The following NTM variants were observed in gnomAD, a reference collection of about 807,000 sequenced individuals.
NTM encodes the protein IgLON family member 2.
A neutral mutation model predicts 42.1 loss-of-function variants in NTM; 13 were observed. The observed-to-expected ratio is 0.31, with a 90% confidence interval of 0.20 to 0.49. NTM has a LOEUF of 0.49. Ranked by LOEUF, NTM falls within the 20% of genes least tolerant of loss-of-function variation. The probability of loss-of-function intolerance (pLI) is 0.99; values close to 1 mark genes in which losing one functional copy is unlikely to be tolerated. For missense variants in NTM, 373 were observed against 452.8 expected (o/e 0.82, Z 1.60); for synonymous variants, 187 against 179.2 (o/e 1.04, Z -0.35).
intron 1 of NTM, among the ~76,000 whole-genome samples, chr11:131,462,065 C>T (rs149850846): frequency 7.9e-5 from 12 of 152,246 alleles, no homozygotes; most frequent in African/African-American, 2.9e-4. Flanking sequence ...AACTGAAGAA[C>T]ACCACACAGC....
intron 1 of NTM, among the ~76,000 whole-genome samples, chr11:131,850,517 G>A (rs116414401): frequency 1.3e-5 from 2 of 152,094 alleles, no homozygotes; most frequent in Admixed American, 6.5e-5. Context: ...ACTGGGGGTC[G>A]ATTTCCTTTC....
intron 2 of NTM, among the ~76,000 whole-genome samples, chr11:132,096,153 A>G (rs780761297): frequency 9.9e-5 from 15 of 151,774 alleles, no homozygotes; most frequent in African/African-American, 1.9e-4. Flanking sequence ...CTCTCCCCAT[A>G]CTTTTTAGTC....
intron 1 of NTM, among the ~76,000 whole-genome samples, chr11:131,679,420 A>G (rs999048587): frequency 2.6e-5 from 4 of 152,056 alleles, no homozygotes; most frequent in African/African-American, 9.7e-5. Flanking sequence ...TACGGCCTTT[A>G]GAAGGTACTG....
At chr11:132,111,708 G>T (rs1422851567) in intron 2 of NTM, among the ~76,000 whole-genome samples, 1 of 152,214 alleles carries the variant, frequency 6.6e-6, no homozygotes, top group Non-Finnish European at 1.5e-5. Flanking sequence ...GTCAGCTAAA[G>T]AAAAATAAGT....
At position 131,474,844 on chromosome 11, in the gene NTM, A is replaced by G. The variant is rs528843974; in HGVS notation, c.82+103956A>G. Among the ~76,000 whole-genome samples, 10 of 152,256 alleles carry G rather than the reference A, an allele frequency of 6.6e-5. No homozygotes were observed. The East Asian group carries it at 1.5e-3, about 24-fold the overall frequency. ...TATCCTCCATACTGCTCCCAAAGCA[A>G]TGTTTCCAAAATGTGGAGCGGGCCA... is the stretch of plus-strand genomic sequence containing the variant. On this transcript the variant is annotated intron_variant, in intron 1 of 8. Coordinates refer to ENST00000683400, the MANE Select transcript of NTM (RefSeq NM_001352005.2).
intron 2 of NTM, among the ~76,000 whole-genome samples, chr11:132,009,021 C>G (rs2071473283): frequency 6.6e-6 from 1 of 152,126 alleles, no homozygotes. Context: ...CAGGCAGACA[C>G]CAGATCAGCG....
At chr11:132,262,726 T>C (rs2092942269) in intron 4 of NTM, among the ~76,000 whole-genome samples, 2 of 152,140 alleles carry the variant, frequency 1.3e-5, no homozygotes, top group Admixed American at 1.3e-4. Context: ...AAACATCTAC[T>C]CCATAGCATT....
At chr11:131,992,362 C>A (rs1355108728) in intron 2 of NTM, among the ~76,000 whole-genome samples, 1 of 152,018 alleles carries the variant, frequency 6.6e-6, no homozygotes, top group Non-Finnish European at 1.5e-5. Context: ...TTCTGGTCAA[C>A]AATTGGCTGT....
At chr11:132,307,229 A>G (rs1254700655) in intron 4 of NTM, among the ~76,000 whole-genome samples, 11 of 152,060 alleles carry the variant, frequency 7.2e-5, no homozygotes, top group Non-Finnish European at 1.2e-4. Context: ...GTGTGTGTGT[A>G]TGTGTATGTA....
chr11:131,845,707 G>A (rs538297004), intron 1 of NTM, among the ~76,000 whole-genome samples: 3 of 150,308 alleles, frequency 2.0e-5, no homozygotes, highest in African/African-American at 4.9e-5. Context: ...ATACATTCCT[G>A]GATTTTTTTT....
At chr11:132,000,596 C>G (rs1037942558) in intron 2 of NTM, among the ~76,000 whole-genome samples, 5 of 152,158 alleles carry the variant, frequency 3.3e-5, no homozygotes, top group Non-Finnish European at 5.9e-5. Flanking sequence ...TTATCTCACT[C>G]TGTTCTGGAC....
intron 1 of NTM, among the ~76,000 whole-genome samples, chr11:131,484,873 A>G (rs1953991095): frequency 6.6e-6 from 1 of 152,240 alleles, no homozygotes; most frequent in Non-Finnish European, 1.5e-5. Context: ...AAATTATGAT[A>G]GTCAAACAGA....
intron 3 of NTM, among the ~76,000 whole-genome samples, chr11:132,204,389 G>T (rs962731373): frequency 2.6e-5 from 4 of 152,152 alleles, no homozygotes; most frequent in Non-Finnish European, 5.9e-5. Flanking sequence ...ACGATGCCAG[G>T]CATTATGATA....
chr11:132,249,029 T>A (rs1017841631), intron 4 of NTM, among the ~76,000 whole-genome samples: 3 of 152,216 alleles, frequency 2.0e-5, no homozygotes, highest in African/African-American at 7.2e-5. Context: ...TTTGGAGCAC[T>A]GGCTGGAACA....
At chr11:131,880,161 A>G (rs2049244840) in intron 1 of NTM, among the ~76,000 whole-genome samples, 1 of 152,190 alleles carries the variant, frequency 6.6e-6, no homozygotes. Flanking sequence ...CCCAGCAGAT[A>G]AGTCATAAAA....
chr11:132,025,709 G>A (rs1192974700), intron 2 of NTM, among the ~76,000 whole-genome samples: 1 of 152,156 alleles, frequency 6.6e-6, no homozygotes, highest in African/African-American at 2.4e-5. Context: ...ATTGGCCGGG[G>A]GTGTGGCCTG....
At chr11:131,512,362 C>T (rs926797566) in intron 1 of NTM, among the ~76,000 whole-genome samples, 5 of 152,214 alleles carry the variant, frequency 3.3e-5, no homozygotes, top group Non-Finnish European at 4.4e-5. Flanking sequence ...CAGTAGACCA[C>T]GTCTGCTCCC....
At chr11:131,436,650 T>G (rs563548486) in intron 1 of NTM, among the ~76,000 whole-genome samples, 13 of 152,328 alleles carry the variant, frequency 8.5e-5, no homozygotes, top group African/African-American at 3.1e-4. Flanking sequence ...CATTTTTTAT[T>G]GCATCTATTT....
At chr11:131,606,527 G>A (rs2060971889) in intron 1 of NTM, among the ~76,000 whole-genome samples, 1 of 152,216 alleles carries the variant, frequency 6.6e-6, no homozygotes. Flanking sequence ...CCAGTGACTG[G>A]ACAGCGATGA....
Sources: allele counts gnomAD v4.1 joint callset (sites outside exome capture counted in the v4.1 genomes callset), GRCh38; gene constraint gnomAD v4.1.1; transcripts MANE v1.5; gene names NCBI Gene and HGNC (gene_info 2026-07-23, HGNC 2026-07-21).